TDRD3: variants seen among roughly 807,000 people sequenced by gnomAD.
TDRD3 encodes the protein tudor domain containing 3.
In TDRD3, 45 loss-of-function variants were observed where a neutral mutation model predicts 86.7. That is an observed-to-expected ratio of 0.52 (90% CI 0.41 to 0.67). The LOEUF (loss-of-function observed/expected upper bound fraction) is 0.67. Ranked by LOEUF, TDRD3 falls within the 30% of genes least tolerant of loss-of-function variation. The pLI, the probability that TDRD3 is intolerant of heterozygous loss-of-function variation, is 0.00. For synonymous variants in TDRD3, 298 were observed against 301.7 expected (o/e 0.99, Z 0.13); for missense variants, 814 against 889.0 (o/e 0.92, Z 1.07).
At chr13:60,439,372 C>A (rs982745456) in intron 1 of TDRD3, among the ~76,000 whole-genome samples, 2 of 152,008 alleles carry the variant, frequency 1.3e-5, no homozygotes, top group Non-Finnish European at 2.9e-5. Context: ...ATACTTAAGT[C>A]GAGATTATAT....
At chr13:60,531,887 T>C (rs1430544588) in intron 11 of TDRD3, among the ~76,000 whole-genome samples, 2 of 152,002 alleles carry the variant, frequency 1.3e-5, no homozygotes, top group Non-Finnish European at 2.9e-5. Context: ...CAAAAAAGAA[T>C]AGGCCTACAG....
intron 3 of TDRD3, among the ~76,000 whole-genome samples, chr13:60,448,600 C>G (rs1384550224): frequency 6.6e-6 from 1 of 152,006 alleles, no homozygotes; most frequent in Non-Finnish European, 1.5e-5. Context: ...CTTATAGGCA[C>G]TTCATATTTG....
At chr13:60,407,737 A>G (rs1442141804) in intron 1 of TDRD3, among the ~76,000 whole-genome samples, 1 of 152,142 alleles carries the variant, frequency 6.6e-6, no homozygotes, top group Non-Finnish European at 1.5e-5. Flanking sequence ...TTTCTTTCAC[A>G]TTTGATGTTT....
intron 12 of TDRD3, among the ~76,000 whole-genome samples, chr13:60,566,796 T>C (rs147648638): frequency 6.6e-6 from 1 of 152,320 alleles, no homozygotes; most frequent in Non-Finnish European, 1.5e-5. Context: ...TATCATTAAC[T>C]ATACTCTTTA....
At chr13:60,518,606 T>C (rs952243438) in intron 10 of TDRD3, among the ~76,000 whole-genome samples, 1 of 152,200 alleles carries the variant, frequency 6.6e-6, no homozygotes, top group East Asian at 1.9e-4. Context: ...ACTTTGTAAA[T>C]ACATGTAAAA....
chr13:60,537,883 T>C (rs1434515904), intron 12 of TDRD3: 1 of 152,006 alleles, frequency 6.6e-6, no homozygotes, highest in East Asian at 1.9e-4. Context: ...TTAGTGAAGA[T>C]TTTTTTAAAC....
At chr13:60,403,344 T>G (rs1028011807) in intron 1 of TDRD3, among the ~76,000 whole-genome samples, 13 of 152,220 alleles carry the variant, frequency 8.5e-5, no homozygotes, top group African/African-American at 2.4e-4. Context: ...TATATCAACT[T>G]TTTTGGCTTA....
At position 60,467,228 on chromosome 13, in the gene TDRD3, T is replaced by C. The variant is rs1446998627; in HGVS notation, c.354-10T>C. Reference sequence around the variant, plus strand: ...TCAATATGTTTTTAACACTTTTCTCTTTGCTTTAGCCTGAACACACCACCT... The same window carrying C: ...TCAATATGTTTTTAACACTTTTCTCCTTGCTTTAGCCTGAACACACCACCT... On this transcript the variant is annotated splice_polypyrimidine_tract_variant and intron_variant, in intron 4 of 13. Transcript: ENST00000377881. The C allele has an allele frequency of 6.2e-7, 1 of 1,611,996 alleles. No homozygotes were observed.
At chr13:60,485,754 T>G in intron 6 of TDRD3, 45 bp from the exon 7 acceptor site, 1 of 1,426,188 alleles carries the variant, frequency 7.0e-7, no homozygotes, top group Non-Finnish European at 9.2e-7. Flanking sequence ...AACTTGAATC[T>G]CTTTTGGAAC....
At chr13:60,568,500 T>C (rs531181181) in intron 13 of TDRD3, among the ~76,000 whole-genome samples, 1 of 152,236 alleles carries the variant, frequency 6.6e-6, no homozygotes, top group Non-Finnish European at 1.5e-5. Flanking sequence ...CAACTTTGTG[T>C]TGTATAAGAC....
At chr13:60,401,266 C>T (rs1212777641) in intron 1 of TDRD3, among the ~76,000 whole-genome samples, 4 of 151,914 alleles carry the variant, frequency 2.6e-5, no homozygotes, top group Non-Finnish European at 4.4e-5. Flanking sequence ...AATAACAATA[C>T]AACAACAAAA....
intron 1 of TDRD3, among the ~76,000 whole-genome samples, chr13:60,400,630 G>C (rs1238277918): frequency 6.6e-6 from 1 of 151,944 alleles, no homozygotes; most frequent in Admixed American, 6.6e-5. Context: ...CCAGCTACCT[G>C]GTGAGGCTGA....
intron 12 of TDRD3, among the ~76,000 whole-genome samples, chr13:60,555,936 C>G (rs1958174677): frequency 6.6e-6 from 1 of 150,712 alleles, no homozygotes; most frequent in African/African-American, 2.4e-5. Flanking sequence ...CTGCAAGCTC[C>G]ACCTCCCAGG....
chr13:60,458,002 T>C (rs111967195), intron 3 of TDRD3, among the ~76,000 whole-genome samples: 7,304 of 152,298 alleles, frequency 0.048, 220 homozygotes, highest in Non-Finnish European at 0.064. Flanking sequence ...AACGAGGTCA[T>C]ATTTATAGGT....
At chr13:60,436,038 G>T (rs1483870851) in intron 1 of TDRD3, among the ~76,000 whole-genome samples, 1 of 149,342 alleles carries the variant, frequency 6.7e-6, no homozygotes, top group African/African-American at 2.5e-5. Context: ...TCTTATGTCT[G>T]TTGGCTGTTT....
chr13:60,396,287 C>T (rs182959069), upstream of TDRD3, among the ~76,000 whole-genome samples: 1 of 152,368 alleles, frequency 6.6e-6, no homozygotes, highest in East Asian at 1.9e-4. Context: ...CGGGACGCCG[C>T]AGAGGTGAAA....
intron 1 of TDRD3, among the ~76,000 whole-genome samples, chr13:60,431,419 G>T (rs1387964560): frequency 6.6e-6 from 1 of 151,772 alleles, no homozygotes; most frequent in Non-Finnish European, 1.5e-5. Context: ...AAACACTTTT[G>T]AATACTGTTA....
At chr13:60,408,097 C>A (rs1954276795) in intron 1 of TDRD3, among the ~76,000 whole-genome samples, 1 of 151,772 alleles carries the variant, frequency 6.6e-6, no homozygotes, top group African/African-American at 2.4e-5. Context: ...AACTGTAAGC[C>A]CAAATAAGTC....
In TDRD3 at chr13:60,402,738, C is replaced by T. The variant is rs1954135475; in HGVS notation, c.41+5333C>T. 2.2e-5 allele frequency among the ~76,000 whole-genome samples: 3 copies of T among 137,772 alleles called. No individual in the cohort carries two copies. In the Admixed American group the frequency reaches 2.4e-4, roughly 11 times the overall value. 90.4% of individuals were successfully genotyped at this position (137,772 alleles called of 152,430 possible). ...TTGAGACGGAGTTTCACTCTTGTTG[C>T]CCAGGCTAGAGTGCAATGGCGCGAT... On this transcript the variant is annotated intron_variant, in intron 1 of 13. Coordinates refer to ENST00000377881, the MANE Select transcript of TDRD3 (RefSeq NM_001146070.2).
Sources: allele counts gnomAD v4.1 joint callset (sites outside exome capture counted in the v4.1 genomes callset), GRCh38; gene constraint gnomAD v4.1.1; transcripts MANE v1.5; gene names NCBI Gene and HGNC (gene_info 2026-07-23, HGNC 2026-07-21).